The following ATP6V0A4 variants were observed in gnomAD, a reference collection of about 807,000 sequenced individuals.
The protein encoded by ATP6V0A4 is V-type proton ATPase 116 kDa subunit a 4.
Under a neutral mutation model 107.3 loss-of-function variants are expected in ATP6V0A4, and 86 were observed. The ratio of observed to expected loss-of-function variants is 0.80; its 90% CI spans 0.67 to 0.96. The LOEUF is 0.96. ATP6V0A4 is among the 40% of genes least tolerant of loss of function. The pLI is 0.00. For synonymous variants in ATP6V0A4, 353 were observed against 381.4 expected, an observed-to-expected ratio of 0.93 and a Z score of 0.87; for missense variants, 908 against 1,045.6, an observed-to-expected ratio of 0.87 and a Z score of 1.81.
At position 138,759,052 on chromosome 7, in the gene ATP6V0A4, A is replaced by ATTTTTTTTTTTT. The variant is rs33940158; in HGVS notation, c.639+688_639+699dup. On this transcript the variant is annotated intron_variant, in intron 8 of 21. Transcript: ENST00000310018. ...AGGCATGAGCCACCATGCCCAGCCT[A>ATTTTTTTTTTTT]TTTTTTTTTTTTTTTTTTTTTTTTT... 1.8e-4 allele frequency among the ~76,000 whole-genome samples: 10 copies of ATTTTTTTTTTTT among 54,570 alleles called. 1 individual carries two copies. Among genetic ancestry groups the ATTTTTTTTTTTT allele is most frequent in the African/African-American group, 8.7e-4 (10 of 11,462 alleles). The allele number at this position is 54,570 out of a possible 152,430, so 35.8% of individuals were successfully genotyped here.
chr7:138,778,451 C>T (rs1807771527), intron 2 of ATP6V0A4, among the ~76,000 whole-genome samples: 1 of 142,110 alleles, frequency 7.0e-6, no homozygotes, highest in African/African-American at 2.6e-5. Flanking sequence ...TATATATATG[C>T]AAATATTCCA....
intron 20 of ATP6V0A4, among the ~76,000 whole-genome samples, chr7:138,711,679 G>A (rs1461664453): frequency 2.0e-5 from 3 of 152,196 alleles, no homozygotes; most frequent in South Asian, 2.1e-4. Context: ...CACCCCCGTC[G>A]GGTTAGACCC....
chr7:138,752,495 C>T, intron 11 of ATP6V0A4, 130 bp downstream of exon 11: 1 of 1,187,632 alleles, frequency 8.4e-7, no homozygotes, highest in Non-Finnish European at 1.2e-6. Context: ...TAACTGAAGA[C>T]ACAAAGATGA....
rs76555420 is a variant in ATP6V0A4 at position 138,772,219 on chromosome 7, C to T, written c.-17-955G>A. 8.7e-3 allele frequency among the ~76,000 whole-genome samples: 1,320 copies of T among 152,306 alleles called. 19 individuals carry two copies. The highest frequency in any genetic ancestry group is 0.011 in the Non-Finnish European group (764 of 68,038). ...TCAAATCTTATATCCCTCATACCCA[C>T]AAATCAAGATGTCCACTGCTATTTA... On this transcript the variant is annotated intron_variant, in intron 2 of 21. Transcript: ENST00000310018.
intron 19 of ATP6V0A4, among the ~76,000 whole-genome samples, chr7:138,717,988 C>T (rs1401383988): frequency 2.8e-4 from 6 of 21,412 alleles, no homozygotes. Context: ...ATCAAAGAAG[C>T]TAGAGCAGTC....
chr7:138,795,764 C>G (rs1207208681), intron 1 of ATP6V0A4, among the ~76,000 whole-genome samples: 1 of 152,140 alleles, frequency 6.6e-6, no homozygotes, highest in Admixed American at 6.6e-5. Flanking sequence ...CCTCAGCCTC[C>G]TGAGTAGCTG....
At chr7:138,721,645 C>T (rs1480293914) in intron 19 of ATP6V0A4, among the ~76,000 whole-genome samples, 4 of 152,204 alleles carry the variant, frequency 2.6e-5, no homozygotes, top group African/African-American at 4.8e-5. Flanking sequence ...TCACCTGACA[C>T]ATACAGATGC....
chr7:138,731,905 T>TAAAA (rs555829635), intron 17 of ATP6V0A4, among the ~76,000 whole-genome samples: 1 of 105,004 alleles, frequency 9.5e-6, no homozygotes, highest in Non-Finnish European at 1.7e-5. Context: ...AAAATAAAAA[T>TAAAA]AAATAAATAA....
At chr7:138,706,768 C>G (rs558827285) in intron 21 of ATP6V0A4, 51 bp from the exon 22 acceptor site, 161 of 1,606,050 alleles carry the variant, frequency 1.0e-4, no homozygotes, top group South Asian at 2.4e-4. Flanking sequence ...TGAAACACAT[C>G]AGTTAGAGGC....
At position 138,734,250 on chromosome 7, in the gene ATP6V0A4, C is replaced by G; in HGVS notation, c.1577G>C (p.Trp526Ser). The G allele has an allele frequency of 6.2e-7, 1 of 1,613,158 alleles. No homozygotes were observed. The highest frequency in any genetic ancestry group is 1.1e-5 in the South Asian group (1 of 91,046). Reference protein sequence around the residue: ...NPYPFGIDPIWNLASNKLTFL... With the variant: ...NPYPFGIDPISNLASNKLTFL... ...TGTGAGTTTGTTTGAAGCCAAGTTC[C>G]AAATCTGGATGGGAAATGGGACAAA... The change falls in exon 16 of 22, where the codon TGG becomes TCG. Residue 526 changes from tryptophan (W) to serine (S), a missense_variant. Physicochemically the swap from Trp to Ser is radical, Grantham distance 177 (BLOSUM62 -3). Coordinates refer to ENST00000310018, the MANE Select transcript of ATP6V0A4 (RefSeq NM_020632.3).
intron 2 of ATP6V0A4, among the ~76,000 whole-genome samples, chr7:138,783,370 A>C (rs1808006675): frequency 6.6e-6 from 1 of 152,102 alleles, no homozygotes; most frequent in Non-Finnish European, 1.5e-5. Context: ...CAGGAGATCA[A>C]GACCAGTCTG....
intron 15 of ATP6V0A4, among the ~76,000 whole-genome samples, chr7:138,735,521 T>A (rs1052503042): frequency 2.6e-5 from 4 of 152,068 alleles, no homozygotes; most frequent in Non-Finnish European, 4.4e-5. Context: ...CACAGTCAGG[T>A]GCTAATTTGC....
intron 7 of ATP6V0A4, among the ~76,000 whole-genome samples, chr7:138,761,876 C>A (rs1227812576): frequency 2.0e-5 from 3 of 152,048 alleles, no homozygotes; most frequent in Non-Finnish European, 4.4e-5. Context: ...ATTGGGGTTT[C>A]ACTATGTTGC....
At chr7:138,738,893 T>C (rs2117255405) in intron 15 of ATP6V0A4, among the ~76,000 whole-genome samples, 1 of 152,326 alleles carries the variant, frequency 6.6e-6, no homozygotes, top group East Asian at 1.9e-4. Flanking sequence ...CACGCTCATT[T>C]GGAGCACAAG....
In ATP6V0A4 at chr7:138,773,565, A is replaced by G. The variant is rs1397540068; in HGVS notation, c.-17-2301T>C. 6.6e-6 allele frequency among the ~76,000 whole-genome samples: 1 copy of G among 152,126 alleles called. No homozygotes were observed. Among genetic ancestry groups the G allele is most frequent in the African/African-American group, 2.4e-5 (1 of 41,414 alleles). ...AGAACCATTCCCTGTTTCCACTCCC[A>G]CACCGGTCTAGGTCAACAGCACCAC... On this transcript the variant is annotated intron_variant, in intron 2 of 21. Coordinates refer to ENST00000310018, the MANE Select transcript of ATP6V0A4 (RefSeq NM_020632.3). This position sits in a 1 kb window ranked among gnomAD's most constrained non-coding sequence, Gnocchi z 5.4.
At chr7:138,763,209 A>G in intron 5 of ATP6V0A4, 184 bp from the exon 6 acceptor site, 1 of 357,126 alleles carries the variant, frequency 2.8e-6, no homozygotes, top group South Asian at 1.1e-4. Flanking sequence ...ACACACACAC[A>G]CACGTGCATG....
In ATP6V0A4 at chr7:138,771,143, A is replaced by G. The variant is rs748316386; in HGVS notation, c.105T>C (p.Val35=). Residue 35 remains valine, a synonymous_variant, in exon 3 of 22, where the codon GTT becomes GTC. Coordinates refer to ENST00000310018, the MANE Select transcript of ATP6V0A4 (RefSeq NM_020632.3). Reference sequence around the variant, plus strand: ...ACTCAGTACCTACATCTTTGAACTGAACCAATCCGAGCTCTCCGAGCTCAG... The same window carrying G: ...ACTCAGTACCTACATCTTTGAACTGGACCAATCCGAGCTCTCCGAGCTCAG... ...CVAELGELGL[V]QFKDLNMNVN... 2.5e-6 allele frequency: 4 copies of G among 1,614,122 alleles called. No homozygotes were observed. The Admixed American group carries it at 6.7e-5, about 27-fold the overall frequency.
At position 138,756,383 on chromosome 7, in the gene ATP6V0A4, GC is replaced by G. The variant is rs527928218; in HGVS notation, c.722+74del. 354 of 1,606,878 alleles carry G rather than the reference GC, an allele frequency of 2.2e-4. 1 individual carries two copies. In the African/African-American group the frequency reaches 4.1e-3, roughly 18 times the overall value. ...TGACCTCTAGAAGCCACAGTCATGTGCATTTGGCATTGCACATCTCTTTATC... is the reference window on the plus strand; with the variant it reads ...TGACCTCTAGAAGCCACAGTCATGTGATTTGGCATTGCACATCTCTTTATC... On this transcript the variant is annotated intron_variant, in intron 9 of 21. Transcript: ENST00000310018.
chr7:138,739,286 C>T (rs1280659702), intron 15 of ATP6V0A4, among the ~76,000 whole-genome samples: 1 of 151,720 alleles, frequency 6.6e-6, no homozygotes, highest in East Asian at 1.9e-4. Flanking sequence ...CAGTTATTAA[C>T]CACCAGGGAT....
Sources: gnomAD v4.1 joint callset for allele counts (sites outside exome capture counted in the v4.1 genomes callset) on GRCh38, gnomAD v4.1.1 for gene constraint, Gnocchi (gnomAD v3.1) non-coding constraint, MANE v1.5 for transcripts, NCBI Gene and HGNC (gene_info 2026-07-23, HGNC 2026-07-21) for gene names.